The following DYM variants were observed in gnomAD, a reference collection of about 807,000 sequenced individuals.
The protein encoded by DYM is dymeclin.
DYM carries 78 observed loss-of-function variants against 93.1 expected under a neutral mutation model. That is an observed-to-expected ratio of 0.84 (90% CI 0.70 to 1.01). The LOEUF is 1.01. DYM is among the 50% of genes least tolerant of loss of function. DYM has a pLI of 0.00. For missense variants in DYM, 789 were observed against 845.0 expected (o/e 0.93, Z 0.82); for synonymous variants, 321 against 319.7 (o/e 1.00, Z -0.04).
At chr18:49,268,825 G>A (rs2094618591) in intron 11 of DYM, among the ~76,000 whole-genome samples, 1 of 151,958 alleles carries the variant, frequency 6.6e-6, no homozygotes, top group South Asian at 2.1e-4. Flanking sequence ...TAAAAGAAAA[G>A]TCATGTTTAA....
intron 2 of DYM, among the ~76,000 whole-genome samples, chr18:49,419,823 T>C (rs1253743826): frequency 1.3e-5 from 2 of 152,218 alleles, no homozygotes; most frequent in African/African-American, 2.4e-5. Flanking sequence ...GTAAAAACCA[T>C]ATACTATAAT....
rs537252830 is a variant in DYM at position 49,215,317 on chromosome 18, T to C, written c.1461-5602A>G. Among the ~76,000 whole-genome samples, 4 of 152,354 alleles carry C rather than the reference T, an allele frequency of 2.6e-5. No homozygotes were observed. In the East Asian group the frequency reaches 5.8e-4, roughly 22 times the overall value. On this transcript the variant is annotated intron_variant, in intron 13 of 17. Coordinates refer to ENST00000675505, the MANE Select transcript of DYM (RefSeq NM_001353214.3). The stretch of plus-strand genomic sequence containing the variant: ...GTCAGTCTTATTACTCTCCTTTGGA[T>C]ACTCAAACTGCTTAATAAGCTTCTT...
intron 15 of DYM, among the ~76,000 whole-genome samples, chr18:49,151,011 A>G (rs1404752397): frequency 6.6e-6 from 1 of 152,208 alleles, no homozygotes; most frequent in Non-Finnish European, 1.5e-5. Context: ...ACACATTCCA[A>G]TCATGGAATG....
Position 49,286,435 on chromosome 18 carries a change from T to C in DYM, c.945A>G (p.Gln315=). Residue 315 remains glutamine, a splice_region_variant and synonymous_variant, in exon 9 of 18, where the codon CAA becomes CAG. Transcript: ENST00000675505. ...TATTAGAGAAAAAATACCACAAACC[T>C]TGTGTGTTCTTGAAGGACATAATGG... ...RQAIMSFKNT[Q]DSSPFPSSIP... The C allele has an allele frequency of 6.2e-7, 1 of 1,614,136 alleles. No individual in the cohort carries two copies. Among genetic ancestry groups the C allele is most frequent in the Non-Finnish European group, 8.5e-7 (1 of 1,179,968 alleles).
chr18:49,146,426 G>A (rs928167323), intron 15 of DYM, among the ~76,000 whole-genome samples: 5 of 152,186 alleles, frequency 3.3e-5, no homozygotes, highest in Non-Finnish European at 5.9e-5. Flanking sequence ...CAGATGACAT[G>A]ATTGTATATC....
chr18:49,257,036 A>C lies in DYM; in HGVS notation c.1434T>G (p.His478Gln). The C allele has an allele frequency of 6.2e-7, 1 of 1,613,948 alleles. No homozygotes were observed. Among genetic ancestry groups the C allele is most frequent in the Non-Finnish European group, 8.5e-7 (1 of 1,179,850 alleles). The change falls in exon 13 of 18, where the codon CAT (histidine) becomes CAG (glutamine). Residue 478 changes from histidine to glutamine, a missense_variant. Coordinates refer to ENST00000675505, the MANE Select transcript of DYM (RefSeq NM_001353214.3). The part of the protein sequence containing the change: ...ANMSAQFRSL[H>Q]QYAAQRIISY... ...TGATGATCCTCTGGGCAGCATACTG[A>C]TGGAGAGAACGAAACTGTGCCGACA...
intron 15 of DYM, among the ~76,000 whole-genome samples, chr18:49,153,516 T>G (rs1204496446): frequency 1.3e-5 from 2 of 152,164 alleles, no homozygotes; most frequent in South Asian, 2.1e-4. Flanking sequence ...CTGGAGCATC[T>G]TGATGGTCTC....
chr18:49,198,976 G>C (rs547179874), intron 14 of DYM, among the ~76,000 whole-genome samples: 93 of 152,060 alleles, frequency 6.1e-4, no homozygotes, highest in African/African-American at 2.1e-3. Context: ...TTGGAACCAA[G>C]CCAAATGTCC....
chr18:49,063,035 C>T (rs1352272333), intron 17 of DYM, among the ~76,000 whole-genome samples: 3 of 152,216 alleles, frequency 2.0e-5, no homozygotes, highest in Non-Finnish European at 4.4e-5. Context: ...CTCTCACTTC[C>T]AGTGTAGCAA....
chr18:49,456,138 A>G (rs2082963447), intron 1 of DYM, among the ~76,000 whole-genome samples: 1 of 152,176 alleles, frequency 6.6e-6, no homozygotes, highest in African/African-American at 2.4e-5. Flanking sequence ...AATTTTAGCT[A>G]GAACTCCAGC....
chr18:49,107,989 G>A (rs553520735), intron 16 of DYM, among the ~76,000 whole-genome samples: 1 of 152,324 alleles, frequency 6.6e-6, no homozygotes, highest in South Asian at 2.1e-4. Flanking sequence ...GTTTGGCAAT[G>A]CCCTGCCCCA....
At chr18:49,279,916 T>G (rs2094929360) in intron 10 of DYM, among the ~76,000 whole-genome samples, 2 of 152,254 alleles carry the variant, frequency 1.3e-5, no homozygotes, top group African/African-American at 4.8e-5. Context: ...AATTCTAGTA[T>G]TCCATGTTTC....
chr18:49,082,944 C>T (rs1194238918), intron 17 of DYM, among the ~76,000 whole-genome samples: 1 of 152,160 alleles, frequency 6.6e-6, no homozygotes, highest in Non-Finnish European at 1.5e-5. Context: ...TGCCCATTGT[C>T]AGGTGAGGAA....
At chr18:49,258,837 CACAGAGAGAGAGAGAGAGAGAG>C (rs2094440034) in intron 11 of DYM, among the ~76,000 whole-genome samples, 5 of 138,042 alleles carry the variant, frequency 3.6e-5, no homozygotes, top group Non-Finnish European at 6.2e-5. Flanking sequence ...CACACACACA[CACAGAGAGAGAGAGAGAGAGAG>C]AGAGAGAGAG....
chr18:49,096,070 A>G (rs2079517991), intron 17 of DYM, among the ~76,000 whole-genome samples: 1 of 152,188 alleles, frequency 6.6e-6, no homozygotes, highest in African/African-American at 2.4e-5. Context: ...CCCCAAACCA[A>G]CCAACAAACC....
At chr18:49,286,290 G>T in intron 9 of DYM, 144 bp downstream of exon 9, 1 of 921,850 alleles carries the variant, frequency 1.1e-6, no homozygotes, top group Non-Finnish European at 1.7e-6. Context: ...AATATTGACA[G>T]GAAAAGCTAA....
chr18:49,335,840 G>T (rs1004014653), intron 6 of DYM, among the ~76,000 whole-genome samples: 14 of 151,730 alleles, frequency 9.2e-5, no homozygotes, highest in African/African-American at 3.4e-4. Context: ...TGGAGACAGG[G>T]TCTGTGTCTG....
intron 15 of DYM, among the ~76,000 whole-genome samples, chr18:49,128,011 A>T (rs1167280508): frequency 6.6e-6 from 1 of 152,214 alleles, no homozygotes; most frequent in African/African-American, 2.4e-5. Flanking sequence ...AGCCTCAACC[A>T]CAACACTCTG....
At chr18:49,212,712 G>C (rs1001305810) in intron 13 of DYM, among the ~76,000 whole-genome samples, 1 of 151,930 alleles carries the variant, frequency 6.6e-6, no homozygotes, top group African/African-American at 2.4e-5. Flanking sequence ...GCCCAGTCTG[G>C]TCTTAAATTC....
Sources: allele counts gnomAD v4.1 joint callset (sites outside exome capture counted in the v4.1 genomes callset), GRCh38; gene constraint gnomAD v4.1.1; transcripts MANE v1.5; gene names NCBI Gene and HGNC (gene_info 2026-07-23, HGNC 2026-07-21).